The following BLNK variants were observed in gnomAD, a reference collection of about 807,000 sequenced individuals.
BLNK encodes the protein B cell linker, also known as B-cell linker protein.
BLNK carries 29 observed loss-of-function variants against 73.5 expected under a neutral mutation model. The ratio of observed to expected loss-of-function variants is 0.39; its 90% CI spans 0.29 to 0.54. The LOEUF (loss-of-function observed/expected upper bound fraction) is 0.54, where lower values mean the gene tolerates loss of function less well. BLNK is among the 20% of genes least tolerant of loss of function. BLNK has a pLI of 0.61. For synonymous variants in BLNK, 176 were observed against 200.8 expected, an observed-to-expected ratio of 0.88 and a Z score of 1.04; for missense variants, 460 against 562.8, an observed-to-expected ratio of 0.82 and a Z score of 1.85.
At chr10:96,199,319 T>C (rs587717530) in intron 15 of BLNK, among the ~76,000 whole-genome samples, 15 of 152,340 alleles carry the variant, frequency 9.8e-5, no homozygotes, top group African/African-American at 3.4e-4. Flanking sequence ...TCCTACATGA[T>C]TGAAGTTGGG....
At chr10:96,199,606 T>C in intron 15 of BLNK, 1 of 443,260 alleles carries the variant, frequency 2.3e-6, no homozygotes, top group Non-Finnish European at 4.5e-6. Flanking sequence ...GCAGTTTCTC[T>C]TGAGTAAGTA....
chr10:96,211,034 G>C (rs2083936378), intron 8 of BLNK, among the ~76,000 whole-genome samples: 1 of 151,810 alleles, frequency 6.6e-6, no homozygotes, highest in African/African-American at 2.4e-5. Flanking sequence ...ACCACACCTG[G>C]CTAATTTTTT....
At chr10:96,236,616 A>C (rs1294191405) in intron 3 of BLNK, among the ~76,000 whole-genome samples, 3 of 152,006 alleles carry the variant, frequency 2.0e-5, no homozygotes, top group Non-Finnish European at 2.9e-5. Context: ...GAGGCCGGGA[A>C]TTTGAGAACA....
intron 5 of BLNK, among the ~76,000 whole-genome samples, chr10:96,224,428 G>A (rs1460446860): frequency 6.6e-6 from 1 of 152,222 alleles, no homozygotes; most frequent in African/African-American, 2.4e-5. Flanking sequence ...AGTTCCCCAG[G>A]TTATGCTAAA....
At chr10:96,204,025 C>T (rs1444269476) in intron 13 of BLNK, 32 bp downstream of exon 13, 11 of 1,598,404 alleles carry the variant, frequency 6.9e-6, no homozygotes, top group Non-Finnish European at 8.6e-6. Context: ...TCGACCACTC[C>T]CTGATACACT....
intron 13 of BLNK, among the ~76,000 whole-genome samples, chr10:96,201,594 C>T (rs989168311): frequency 6.0e-4 from 92 of 152,128 alleles, no homozygotes; most frequent in African/African-American, 2.1e-3. Flanking sequence ...TAAACCAAAG[C>T]TCTTTGGGTC....
At position 96,196,967 on chromosome 10, in the gene BLNK, C is replaced by T. The variant is rs782088570; in HGVS notation, c.1192G>A (p.Val398Met). 2.5e-6 allele frequency: 4 copies of T among 1,613,348 alleles called. No individual in the cohort carries two copies. The African/African-American group carries it at 4.0e-5, about 16-fold the overall frequency. The change falls in exon 16 of 17, where the codon GTG (valine) becomes ATG (methionine). Residue 398 changes from valine (V) to methionine (M), a missense_variant. Physicochemically the swap from Val to Met is conservative, Grantham distance 21. Coordinates refer to ENST00000224337, the MANE Select transcript of BLNK (RefSeq NM_013314.4). ...FFNKRVYNIP[V>M]RFIEATKQYA... ...TGTTTTGTTGCTTCAATAAATCGCA[C>T]AGGAATATTATATACTCGCTTATTA...
At chr10:96,224,637 C>CT (rs1364071175) in intron 5 of BLNK, among the ~76,000 whole-genome samples, 1 of 152,174 alleles carries the variant, frequency 6.6e-6, no homozygotes, top group Non-Finnish European at 1.5e-5. Flanking sequence ...TAGCTGTGCT[C>CT]TTTGGGGCTG....
chr10:96,271,300 C>A, intron 1 of BLNK, 52 bp downstream of exon 1: 1 of 1,586,432 alleles, frequency 6.3e-7, no homozygotes, highest in Non-Finnish European at 8.7e-7. Flanking sequence ...CATAAGAGCA[C>A]TGGGGGGAAA....
intron 1 of BLNK, among the ~76,000 whole-genome samples, chr10:96,262,159 C>G (rs782647429): frequency 2.6e-5 from 4 of 152,166 alleles, no homozygotes; most frequent in Admixed American, 1.3e-4. Context: ...CTCTCTGCCC[C>G]CTTGGTCTGA....
At chr10:96,270,709 G>A (rs1554915471) in intron 1 of BLNK, among the ~76,000 whole-genome samples, 2 of 152,026 alleles carry the variant, frequency 1.3e-5, no homozygotes, top group South Asian at 2.1e-4. Context: ...ATTACAATGA[G>A]ACAAAAAGAA....
intron 1 of BLNK, among the ~76,000 whole-genome samples, chr10:96,264,867 C>T (rs1426993593): frequency 2.0e-5 from 3 of 152,200 alleles, no homozygotes; most frequent in Non-Finnish European, 4.4e-5. Context: ...CATCTCTCCT[C>T]CACCAGCTGC....
intron 1 of BLNK, among the ~76,000 whole-genome samples, chr10:96,268,101 C>A (rs971754215): frequency 6.6e-6 from 1 of 152,076 alleles, no homozygotes; most frequent in Admixed American, 6.6e-5. Context: ...ACTGGGGAGA[C>A]CCGATTTGAC....
chr10:96,190,176 C>T lies in BLNK; in HGVS notation c.*1797G>A. On this transcript the variant is annotated 3_prime_UTR_variant, in exon 17 of 17. Transcript: ENST00000224337. ...TTAGTTCACAACTGAAAAGATAGTT[C>T]TGGGCCTCAGGGGGCTCACGTCCAT... 1 of 837,060 alleles carries T rather than the reference C, an allele frequency of 1.2e-6. No individual in the cohort carries two copies. The highest frequency in any genetic ancestry group is 2.0e-6 in the Non-Finnish European group (1 of 488,204). 51.9% of individuals were successfully genotyped at this position (837,060 alleles called of 1,614,324 possible). A position where few individuals can be genotyped will look rare whatever the true frequency, so the allele number is the denominator to read the frequency against.
chr10:96,210,804 T>G (rs953798291), intron 8 of BLNK, among the ~76,000 whole-genome samples: 8 of 151,844 alleles, frequency 5.3e-5, no homozygotes, highest in African/African-American at 1.9e-4. Context: ...TTCATTAACT[T>G]AACTGAACTG....
intron 1 of BLNK, among the ~76,000 whole-genome samples, chr10:96,252,370 C>T (rs72811041): frequency 0.04 from 6,146 of 152,236 alleles, 157 homozygotes; most frequent in Middle Eastern, 0.068. Context: ...CTAACAAATT[C>T]CCAGGTGGTG....
chr10:96,208,042 G>T, intron 9 of BLNK, 143 bp from the exon 10 acceptor site: 1 of 869,840 alleles, frequency 1.1e-6, no homozygotes, highest in Non-Finnish European at 1.9e-6. Flanking sequence ...GGGTGGAGAG[G>T]GATGGAAGTG....
intron 16 of BLNK, 89 bp downstream of exon 16, chr10:96,196,819 T>C: frequency 2.3e-6 from 3 of 1,310,956 alleles, no homozygotes; most frequent in Non-Finnish European, 3.3e-6. Context: ...TTGTATCCTT[T>C]CTCCTCATCT....
At chr10:96,264,993 C>T (rs1372270854) in intron 1 of BLNK, among the ~76,000 whole-genome samples, 2 of 152,018 alleles carry the variant, frequency 1.3e-5, no homozygotes, top group Non-Finnish European at 2.9e-5. Flanking sequence ...GACATGGTCT[C>T]ATTCTTTCAC....
Sources: allele counts gnomAD v4.1 joint callset (sites outside exome capture counted in the v4.1 genomes callset), GRCh38; gene constraint gnomAD v4.1.1; transcripts MANE v1.5; gene names NCBI Gene and HGNC (gene_info 2026-07-23, HGNC 2026-07-21).